CDH18: variants seen among roughly 807,000 people sequenced by gnomAD.
CDH18 encodes cadherin 18.
Under a neutral mutation model 67.9 loss-of-function variants are expected in CDH18, and 31 were observed. The observed-to-expected ratio is 0.46, with a 90% CI of 0.34 to 0.62. The LOEUF (loss-of-function observed/expected upper bound fraction) is 0.62, where lower values mean the gene tolerates loss of function less well. CDH18 is among the 20% of genes least tolerant of loss of function. The pLI, the probability that CDH18 is intolerant of heterozygous loss-of-function variation, is 0.01. For synonymous variants in CDH18, 362 were observed against 347.2 expected (o/e 1.04, Z -0.48); for missense variants, 890 against 975.5 (o/e 0.91, Z 1.17).
intron 2 of CDH18, among the ~76,000 whole-genome samples, chr5:19,865,054 AC>A (rs1785337004): frequency 1.3e-5 from 2 of 152,158 alleles, no homozygotes; most frequent in African/African-American, 2.4e-5. Context: ...ATGCACAGAC[AC>A]CTTTTTACTT....
At chr5:19,754,433 G>T (rs1359626546) in intron 3 of CDH18, among the ~76,000 whole-genome samples, 2 of 152,134 alleles carry the variant, frequency 1.3e-5, no homozygotes, top group African/African-American at 2.4e-5. Flanking sequence ...ATTATATAAT[G>T]ATAAAAGGCC....
At chr5:20,178,453 G>T (rs1303160870) in intron 2 of CDH18, among the ~76,000 whole-genome samples, 1 of 150,666 alleles carries the variant, frequency 6.6e-6, no homozygotes, top group East Asian at 2.0e-4. Context: ...CCTTTCCACT[G>T]CTAGCTAATT....
chr5:20,236,254 T>C (rs1177726085), intron 2 of CDH18, among the ~76,000 whole-genome samples: 1 of 150,846 alleles, frequency 6.6e-6, no homozygotes, highest in Non-Finnish European at 1.5e-5. Flanking sequence ...TAAATAAATA[T>C]ATAAATAAAA....
At chr5:19,636,376 T>C (rs1446585084) in intron 5 of CDH18, among the ~76,000 whole-genome samples, 2 of 152,018 alleles carry the variant, frequency 1.3e-5, no homozygotes, top group African/African-American at 4.8e-5. Flanking sequence ...AAAACATGCA[T>C]CAAAACGTTT....
intron 2 of CDH18, among the ~76,000 whole-genome samples, chr5:20,159,159 G>A (rs1388548420): frequency 6.6e-6 from 1 of 152,078 alleles, no homozygotes; most frequent in East Asian, 1.9e-4. Context: ...CTAATCTTTA[G>A]TTTGTCTGTT....
chr5:20,279,101 T>C (rs965324678), intron 1 of CDH18, among the ~76,000 whole-genome samples: 1 of 151,884 alleles, frequency 6.6e-6, no homozygotes, highest in Non-Finnish European at 1.5e-5. Flanking sequence ...AATCAAAAGA[T>C]ACAGAGTGGC....
At chr5:19,506,293 T>C (rs377061328) in intron 10 of CDH18, among the ~76,000 whole-genome samples, 194 of 152,262 alleles carry the variant, frequency 1.3e-3, no homozygotes, top group East Asian at 2.9e-3. Context: ...TCCATGCTCA[T>C]GGGTAGGAAG....
At chr5:20,432,407 C>T (rs923344770) in intron 1 of CDH18, among the ~76,000 whole-genome samples, 10 of 152,092 alleles carry the variant, frequency 6.6e-5, no homozygotes, top group Non-Finnish European at 1.3e-4. Context: ...CTAGTTAGTA[C>T]AGATGGAACT....
chr5:19,803,455 G>A (rs147902013), intron 3 of CDH18, among the ~76,000 whole-genome samples: 137 of 152,178 alleles, frequency 9.0e-4, no homozygotes, highest in East Asian at 2.7e-3. Context: ...AGTTGCACTA[G>A]CCACATTTGA....
chr5:19,754,594 T>C (rs1248911502), intron 3 of CDH18, among the ~76,000 whole-genome samples: 2 of 152,108 alleles, frequency 1.3e-5, no homozygotes, highest in African/African-American at 4.8e-5. Flanking sequence ...CAGACAGCAC[T>C]AGACAGGTCA....
At chr5:19,984,348 G>C (rs532899148) in intron 1 of CDH18, among the ~76,000 whole-genome samples, 1 of 151,864 alleles carries the variant, frequency 6.6e-6, no homozygotes, top group African/African-American at 2.4e-5. Flanking sequence ...TGTTTTATAT[G>C]TCTACATTTT....
intron 7 of CDH18, among the ~76,000 whole-genome samples, chr5:19,582,230 T>C (rs1743378390): frequency 1.3e-5 from 2 of 151,948 alleles, no homozygotes; most frequent in Non-Finnish European, 1.5e-5. Flanking sequence ...TGTATGTGTA[T>C]ATATGACATA....
intron 5 of CDH18, among the ~76,000 whole-genome samples, chr5:19,716,360 A>T (rs1229635771): frequency 6.6e-6 from 1 of 152,090 alleles, no homozygotes; most frequent in Non-Finnish European, 1.5e-5. Flanking sequence ...TTACTATTTC[A>T]GAAAAAATAT....
chr5:20,274,189 C>A (rs905024011), intron 1 of CDH18, among the ~76,000 whole-genome samples: 3 of 152,098 alleles, frequency 2.0e-5, no homozygotes, highest in Non-Finnish European at 4.4e-5. Context: ...CTTGCTGACA[C>A]TTTAAATTTG....
At chr5:20,040,837 C>T (rs561488472) in intron 2 of CDH18, among the ~76,000 whole-genome samples, 5 of 152,212 alleles carry the variant, frequency 3.3e-5, no homozygotes, top group Middle Eastern at 6.8e-3. Flanking sequence ...CATTGGGAGG[C>T]TGGGCCAATT....
At chr5:19,499,442 T>C (rs753314205) in intron 11 of CDH18, among the ~76,000 whole-genome samples, 1 of 152,048 alleles carries the variant, frequency 6.6e-6, no homozygotes, top group African/African-American at 2.4e-5. Context: ...AAAATTAAAA[T>C]TTCTGAACAT....
chr5:20,202,671 T>A (rs1739545303), intron 2 of CDH18, among the ~76,000 whole-genome samples: 1 of 150,614 alleles, frequency 6.6e-6, no homozygotes. Context: ...TTTATTTTTA[T>A]TTTTTTTGCA....
At chr5:19,695,762 T>C (rs1360912756) in intron 5 of CDH18, among the ~76,000 whole-genome samples, 4 of 152,190 alleles carry the variant, frequency 2.6e-5, no homozygotes. Context: ...TAGCAACCTT[T>C]GACTGTTACA....
At chr5:19,835,725 T>G (rs1781551177) in intron 3 of CDH18, among the ~76,000 whole-genome samples, 1 of 152,084 alleles carries the variant, frequency 6.6e-6, no homozygotes, top group African/African-American at 2.4e-5. Flanking sequence ...TAAGTTAGAA[T>G]TGCCCATAAA....
Sources: gnomAD v4.1 joint callset for allele counts (sites outside exome capture counted in the v4.1 genomes callset) on GRCh38, gnomAD v4.1.1 for gene constraint, MANE v1.5 for transcripts, NCBI Gene and HGNC (gene_info 2026-07-23, HGNC 2026-07-21) for gene names.